Variants in ADAMTSL2 observed in about 807,000 individuals in gnomAD.
The protein encoded by ADAMTSL2 is ADAMTS-like protein 2.
Under a neutral mutation model 117.0 loss-of-function variants are expected in ADAMTSL2, and 55 were observed. The ratio of observed to expected loss-of-function variants is 0.47; its 90% confidence interval spans 0.38 to 0.59. The LOEUF (loss-of-function observed/expected upper bound fraction) is 0.59, where lower values mean the gene tolerates loss of function less well. Among genes scored for constraint, ADAMTSL2 ranks in the 20% least tolerant of loss-of-function variants. The pLI is 0.00. For synonymous variants in ADAMTSL2, 572 were observed against 566.4 expected, an observed-to-expected ratio of 1.01 and a Z score of -0.14; for missense variants, 1,182 against 1,354.5, an observed-to-expected ratio of 0.87 and a Z score of 2.00.
Position 133,568,279 on chromosome 9 carries a change from G to A in ADAMTSL2, c.1881G>A (p.Glu627=). ...CCATCCGCTCCCGGGGCAGGTGGGA[G>A]ACGAGCAGCTGGAGCGAGTGTTCGC... The part of the protein sequence containing the change: ...CAGRECQPRW[E]TSSWSECSRT... Residue 627 remains glutamate, a synonymous_variant, in exon 14 of 19, where the codon GAG becomes GAA. Coordinates refer to ENST00000651351, the MANE Select transcript of ADAMTSL2 (RefSeq NM_014694.4). 5.1e-6 allele frequency: 8 copies of A among 1,565,302 alleles called. No homozygotes were observed. Among genetic ancestry groups the A allele is most frequent in the Non-Finnish European group, 6.9e-6 (8 of 1,156,588 alleles).
At chr9:133,567,783 A>C (rs1448982250) in intron 13 of ADAMTSL2, among the ~76,000 whole-genome samples, 4 of 152,182 alleles carry the variant, frequency 2.6e-5, no homozygotes, top group Non-Finnish European at 4.4e-5. Flanking sequence ...CCTTCCCCTC[A>C]GAGCCCATCA....
intron 17 of ADAMTSL2, among the ~76,000 whole-genome samples, chr9:133,572,310 G>C (rs1831126909): frequency 6.6e-6 from 1 of 152,188 alleles, no homozygotes; most frequent in South Asian, 2.1e-4. Context: ...GAAAGGCTGA[G>C]GGTGGGCCTG....
chr9:133,550,411 T>C (rs999815633), intron 9 of ADAMTSL2, among the ~76,000 whole-genome samples: 2 of 152,210 alleles, frequency 1.3e-5, no homozygotes, highest in South Asian at 4.1e-4. Context: ...CTCACAGTCA[T>C]GCGCCCATTG....
chr9:133,563,920 A>G (rs1279967056), intron 12 of ADAMTSL2, among the ~76,000 whole-genome samples: 3 of 20,454 alleles, frequency 1.5e-4, no homozygotes, highest in Admixed American at 4.5e-4. Context: ...AGAGAGAGGG[A>G]GAGAGAGAGA....
At chr9:133,568,928 C>T (rs1463318563) in intron 15 of ADAMTSL2, among the ~76,000 whole-genome samples, 170 bp downstream of exon 15, 5 of 152,168 alleles carry the variant, frequency 3.3e-5, no homozygotes, top group African/African-American at 7.2e-5. Flanking sequence ...TCTCCAAACA[C>T]GTGGCCAGCA....
In ADAMTSL2 at chr9:133,554,476, G is replaced by A; in HGVS notation, c.1059G>A (p.Gln353=). ...YYGFSESAES[Q]GLDGAGLMGF... ...GCTTCTCCGAGAGCGCTGAGAGCCAGGGCCTGGACGGGGCCGGGCTGATGG... is the reference window on the plus strand; with the variant it reads ...GCTTCTCCGAGAGCGCTGAGAGCCAAGGCCTGGACGGGGCCGGGCTGATGG... Residue 353 remains glutamine (Q), a synonymous_variant, in exon 10 of 19, where the codon CAG becomes CAA. Transcript: ENST00000651351. This position sits in a 1 kb window ranked among gnomAD's most constrained non-coding sequence, Gnocchi z 5.2. The A allele has an allele frequency of 6.4e-7, 1 of 1,552,778 alleles. No homozygotes were observed. The highest frequency in any genetic ancestry group is 8.7e-7 in the Non-Finnish European group (1 of 1,148,368).
rs1438390773 is a variant in ADAMTSL2 at position 133,558,264 on chromosome 9, A to G, written c.1649+2334A>G. Among the ~76,000 whole-genome samples, 1 of 152,182 alleles carries G rather than the reference A, an allele frequency of 6.6e-6. No individual in the cohort carries two copies. Among genetic ancestry groups the G allele is most frequent in the Non-Finnish European group, 1.5e-5 (1 of 68,028 alleles). On this transcript the variant is annotated intron_variant, in intron 11 of 18. Coordinates refer to ENST00000651351, the MANE Select transcript of ADAMTSL2 (RefSeq NM_014694.4). The surrounding 1 kb of genome is among the most constrained non-coding windows in gnomAD (Gnocchi z 4.3). ...CAAAGGATGCTGCCGCACAGGGACC[A>G]AAGATGGTGTGGAGAGATAAAGGGC...
At position 133,558,598 on chromosome 9, in the gene ADAMTSL2, C is replaced by T. The variant is rs944998720; in HGVS notation, c.1650-2600C>T. ...AACAAACACGGTGGCTTCAGAGCTT[C>T]TCCTGCCTGGGGAGCCCGTGAGCCT... On this transcript the variant is annotated intron_variant, in intron 11 of 18. Coordinates refer to ENST00000651351, the MANE Select transcript of ADAMTSL2 (RefSeq NM_014694.4). This position sits in a 1 kb window ranked among gnomAD's most constrained non-coding sequence, Gnocchi z 4.3. Among the ~76,000 whole-genome samples, 4 of 152,184 alleles carry T rather than the reference C, an allele frequency of 2.6e-5. No individual in the cohort carries two copies. The highest frequency in any genetic ancestry group is 9.7e-5 in the African/African-American group (4 of 41,438).
rs778178248 is a variant in ADAMTSL2, at chr9:133,544,505, C to T, written c.718C>T (p.Arg240Ter). Residue 240 changes from arginine to a stop codon, truncating the protein, a stop_gained, in exon 8 of 19, where the codon CGA becomes TGA. Transcript: ENST00000651351. LOFTEE classifies it high-confidence loss of function. ...SLVTHIPAGA[R>*]DIQIVERKKS... ...GGTGACCCACATCCCGGCTGGTGCCCGAGACATCCAGATTGTAGAGAGGAA... is the reference window on the plus strand; with the variant it reads ...GGTGACCCACATCCCGGCTGGTGCCTGAGACATCCAGATTGTAGAGAGGAA... The T allele has an allele frequency of 1.2e-6, 2 of 1,614,144 alleles. No individual in the cohort carries two copies. The highest frequency in any genetic ancestry group is 1.7e-5 in the Admixed American group (1 of 60,024).
At chr9:133,560,775 T>A (rs1830708586) in intron 11 of ADAMTSL2, among the ~76,000 whole-genome samples, 2 of 152,278 alleles carry the variant, frequency 1.3e-5, no homozygotes, top group East Asian at 3.9e-4. Context: ...TCTGGAACAT[T>A]CTTAGCACAT....
At chr9:133,546,857 C>T (rs539041818) in intron 8 of ADAMTSL2, among the ~76,000 whole-genome samples, 181 bp from the exon 9 acceptor site, 32 of 152,236 alleles carry the variant, frequency 2.1e-4, no homozygotes, top group African/African-American at 7.0e-4. Context: ...CTGAGAGGAA[C>T]GTGCGTTTGC....
chr9:133,574,385 G>A (rs1166905370), intron 18 of ADAMTSL2, among the ~76,000 whole-genome samples: 4 of 152,224 alleles, frequency 2.6e-5, no homozygotes, highest in African/African-American at 9.6e-5. Flanking sequence ...GGCACCTGGA[G>A]GAGGGACAGG....
intron 11 of ADAMTSL2, 107 bp downstream of exon 11, chr9:133,556,037 G>C (rs1324632406): frequency 1.4e-6 from 2 of 1,387,124 alleles, no homozygotes; most frequent in African/African-American, 1.4e-5. Context: ...CAGAAGGGCT[G>C]AGGTCCTAGA....
upstream of ADAMTSL2, chr9:133,534,679 A>C: frequency 7.4e-7 from 1 of 1,350,132 alleles, no homozygotes; most frequent in Non-Finnish European, 9.6e-7. Flanking sequence ...ACAGCTATAA[A>C]GGCGGCCGCC....
chr9:133,538,471 A>G (rs748439100), intron 4 of ADAMTSL2, 47 bp downstream of exon 4: 2 of 1,605,810 alleles, frequency 1.2e-6, no homozygotes, highest in Non-Finnish European at 1.7e-6. Flanking sequence ...TCTCCCTGTC[A>G]TCATGCAGTT....
intron 12 of ADAMTSL2, among the ~76,000 whole-genome samples, chr9:133,566,370 G>A (rs1024653712): frequency 6.6e-6 from 1 of 152,234 alleles, no homozygotes; most frequent in African/African-American, 2.4e-5. Context: ...GAACCCAGGA[G>A]GGGGAGGTTG....
chr9:133,572,786 C>G (rs1295765750), intron 17 of ADAMTSL2, among the ~76,000 whole-genome samples: 2 of 152,154 alleles, frequency 1.3e-5, no homozygotes, highest in African/African-American at 4.8e-5. Context: ...GTGGCTGCCC[C>G]CCGATGCCGG....
At chr9:133,549,953 A>G (rs1300276465) in intron 9 of ADAMTSL2, among the ~76,000 whole-genome samples, 2 of 152,202 alleles carry the variant, frequency 1.3e-5, no homozygotes, top group Non-Finnish European at 2.9e-5. Flanking sequence ...CCCCTCCTGC[A>G]TCCCAGACCC....
In ADAMTSL2 at chr9:133,544,408, G is replaced by A. The variant is rs1172635549; in HGVS notation, c.683-62G>A. On this transcript the variant is annotated intron_variant, in intron 7 of 18. Coordinates refer to ENST00000651351, the MANE Select transcript of ADAMTSL2 (RefSeq NM_014694.4). ...ACCCTCCAATAGCTGTGGAGTGGGC[G>A]AGTGCCACCCAAGGCTGCCTTTCCA... is the stretch of plus-strand genomic sequence containing the variant. 9 of 1,384,640 alleles carry A rather than the reference G, an allele frequency of 6.5e-6. No homozygotes were observed. The Admixed American group carries it at 6.7e-5, about 10-fold the overall frequency. 85.8% of individuals were successfully genotyped at this position (1,384,640 alleles called of 1,614,324 possible).
Sources: allele counts gnomAD v4.1 joint callset (sites outside exome capture counted in the v4.1 genomes callset), GRCh38; gene constraint gnomAD v4.1.1; non-coding constraint Gnocchi (gnomAD v3.1); transcripts MANE v1.5; gene names NCBI Gene and HGNC (gene_info 2026-07-23, HGNC 2026-07-21).